The following ATP13A3 variants were observed in gnomAD, a reference collection of about 807,000 sequenced individuals.
ATP13A3 encodes polyamine-transporting ATPase 13A3.
A neutral mutation model predicts 158.1 loss-of-function variants in ATP13A3; 59 were observed. The ratio of observed to expected loss-of-function variants is 0.37; its 90% CI spans 0.30 to 0.46. The LOEUF is 0.46. ATP13A3 is among the 20% of genes least tolerant of loss of function. ATP13A3 has a pLI of 1.00. For synonymous variants in ATP13A3, 491 were observed against 504.3 expected (o/e 0.97, Z 0.35); for missense variants, 1,166 against 1,525.2 (o/e 0.76, Z 3.92).
chr3:194,430,396 A>G (rs1403203179), intron 24 of ATP13A3, 81 bp from the exon 25 acceptor site: 3 of 1,413,282 alleles, frequency 2.1e-6, no homozygotes, highest in African/African-American at 1.4e-5. Flanking sequence ...TTTCTATTAC[A>G]GTATTATAAA....
intron 33 of ATP13A3, among the ~76,000 whole-genome samples, chr3:194,411,052 T>A (rs1715387770): frequency 7.6e-6 from 1 of 131,404 alleles, no homozygotes; most frequent in South Asian, 2.4e-4. Flanking sequence ...CAACTGGTAT[T>A]ACACTGCTTT....
chr3:194,455,373 T>C (rs1469360801), intron 8 of ATP13A3, among the ~76,000 whole-genome samples: 1 of 152,150 alleles, frequency 6.6e-6, no homozygotes, highest in Non-Finnish European at 1.5e-5. Context: ...AGTCTCATTT[T>C]ACCTCAAAAC....
chr3:194,443,386 G>A (rs556866012), intron 15 of ATP13A3, among the ~76,000 whole-genome samples: 11 of 152,244 alleles, frequency 7.2e-5, no homozygotes, highest in African/African-American at 2.6e-4. Flanking sequence ...GAGAAAAAAT[G>A]AGAATGTGAA....
In ATP13A3 at chr3:194,431,880, A is replaced by G; in HGVS notation, c.2258T>C (p.Leu753Ser). ...RTVMVTGDSM[L>S]TAVSVARDCG... ...ATCTCTGGCCACAGAGACAGCAGTCAACATACTGTCACCTAATTTTCAAAA... is the reference window on the plus strand; with the variant it reads ...ATCTCTGGCCACAGAGACAGCAGTCGACATACTGTCACCTAATTTTCAAAA... Residue 753 changes from leucine to serine, a missense_variant, in exon 22 of 34, where the codon TTG becomes TCG. This residue lies in a region of ATP13A3 where 997 missense variants were observed against 1,341.2 expected (regional missense o/e 0.74). Transcript: ENST00000645319. 2 of 1,583,818 alleles carry G rather than the reference A, an allele frequency of 1.3e-6. No homozygotes were observed. Among genetic ancestry groups the G allele is most frequent in the Non-Finnish European group, 1.7e-6 (2 of 1,170,220 alleles).
chr3:194,437,067 G>C (rs1269362583), intron 20 of ATP13A3, 28 bp downstream of exon 20: 27 of 1,606,912 alleles, frequency 1.7e-5, no homozygotes, highest in Non-Finnish European at 2.3e-5. Flanking sequence ...ATGATGACTG[G>C]GAAACTAGGA....
intron 16 of ATP13A3, among the ~76,000 whole-genome samples, chr3:194,440,452 T>C (rs1717968551): frequency 6.6e-6 from 1 of 152,274 alleles, no homozygotes; most frequent in South Asian, 2.1e-4. Flanking sequence ...AACTATTCCT[T>C]TGAAACTTTA....
At chr3:194,431,969 T>G in intron 21 of ATP13A3, 77 bp from the exon 22 acceptor site, 1 of 1,180,112 alleles carries the variant, frequency 8.5e-7, no homozygotes, top group Non-Finnish European at 1.1e-6. Context: ...TTGCTGAGAA[T>G]CTACTACAGT....
intron 16 of ATP13A3, among the ~76,000 whole-genome samples, chr3:194,439,411 G>C (rs1407350247): frequency 1.3e-5 from 2 of 152,214 alleles, no homozygotes. Flanking sequence ...GAACCGCTGG[G>C]TCAAGAACAG....
At chr3:194,470,692 T>C (rs1720261487) in intron 2 of ATP13A3, among the ~76,000 whole-genome samples, 1 of 152,260 alleles carries the variant, frequency 6.6e-6, no homozygotes, top group East Asian at 1.9e-4. Context: ...TTCAAGCTAC[T>C]ATGTTCTTAA....
rs182148172 is a variant in ATP13A3 at position 194,403,167 on chromosome 3, T to C, written c.*2752A>G. 33 of 152,344 alleles carry C rather than the reference T, an allele frequency of 2.2e-4. No individual in the cohort carries two copies. In the East Asian group the frequency reaches 5.8e-3, roughly 27 times the overall value. The allele number at this position is 152,344 out of a possible 1,614,324, so 9.4% of individuals were successfully genotyped here. A position where few individuals can be genotyped will look rare whatever the true frequency, so the allele number is the denominator to read the frequency against. On this transcript the variant is annotated 3_prime_UTR_variant, in exon 34 of 34. Coordinates refer to ENST00000645319, the MANE Select transcript of ATP13A3 (RefSeq NM_001367549.1). ...AGACTACATAAACATTGATATATTA[T>C]TTACCATGCCTTTGAAACTGTGCAG...
chr3:194,406,015 C>T lies in ATP13A3; in HGVS notation c.3675G>A (p.Leu1225=), dbSNP rs776871093. The T allele has an allele frequency of 3.7e-6, 6 of 1,614,156 alleles. No individual in the cohort carries two copies. Among genetic ancestry groups the T allele is most frequent in the Non-Finnish European group, 5.1e-6 (6 of 1,180,038 alleles). Residue 1225 remains leucine (L), a synonymous_variant, in exon 34 of 34, where the codon TTG becomes TTA. Transcript: ENST00000645319. ...GTTTTGGTGGCCATTCTGGATCAAC[C>T]AAGAGCTCCTGCGCCAGATACATGT... is the stretch of plus-strand genomic sequence containing the variant. The part of the protein sequence containing the change: ...AKYMYLAQEL[L]VDPEWPPKPQ...
chr3:194,483,428 A>AAAAAAAAAAAAC, intron 2 of ATP13A3, among the ~76,000 whole-genome samples: 2 of 149,432 alleles, frequency 1.3e-5, no homozygotes, highest in African/African-American at 4.9e-5. Flanking sequence ...CACCTCTACA[A>AAAAAAAAAAAAC]AAAAAAAAAA....
chr3:194,439,959 T>G (rs1383412916), intron 16 of ATP13A3, among the ~76,000 whole-genome samples: 2 of 152,128 alleles, frequency 1.3e-5, no homozygotes, highest in Non-Finnish European at 2.9e-5. Flanking sequence ...AGGCCTCCTT[T>G]TCAGAATTAA....
intron 2 of ATP13A3, chr3:194,468,103 G>A (rs1050080778): frequency 7.9e-5 from 12 of 151,848 alleles, no homozygotes; most frequent in South Asian, 2.1e-4. Flanking sequence ...TTTCTGTTTC[G>A]GTTCTGTCTG....
intron 11 of ATP13A3, among the ~76,000 whole-genome samples, chr3:194,449,044 T>TACACACACACACAC (rs146993933): frequency 7.4e-6 from 1 of 134,892 alleles, no homozygotes; most frequent in Non-Finnish European, 1.6e-5. Flanking sequence ...GATCCACCCC[T>TACACACACACACAC]ACACACACAC....
intron 31 of ATP13A3, among the ~76,000 whole-genome samples, chr3:194,419,504 C>T (rs1716135018): frequency 6.6e-6 from 1 of 151,990 alleles, no homozygotes; most frequent in South Asian, 2.1e-4. Context: ...TTTCATTACT[C>T]AGAAAGTTTT....
intron 11 of ATP13A3, 94 bp downstream of exon 11, chr3:194,450,051 C>A (rs1214549680): frequency 4.5e-6 from 6 of 1,325,690 alleles, no homozygotes; most frequent in Non-Finnish European, 6.3e-6. Context: ...AGTAAAGGTA[C>A]AAATGACATA....
At chr3:194,411,998 TGTTTGCC>T (rs1715472015) in intron 33 of ATP13A3, among the ~76,000 whole-genome samples, 194 bp downstream of exon 33, 1 of 152,190 alleles carries the variant, frequency 6.6e-6, no homozygotes. Flanking sequence ...CTCTAACAAA[TGTTTGCC>T]ATGAATTTTC....
intron 14 of ATP13A3, among the ~76,000 whole-genome samples, chr3:194,445,059 C>CA (rs200262289): frequency 1.9e-3 from 274 of 147,960 alleles, no homozygotes; most frequent in African/African-American, 5.3e-3. Flanking sequence ...CTTATACTAT[C>CA]AAAAAAAAAA....
Sources: gnomAD v4.1 joint callset for allele counts (sites outside exome capture counted in the v4.1 genomes callset) on GRCh38, gnomAD v4.1.1 for gene constraint, gnomAD v4.1.1 regional missense constraint, MANE v1.5 for transcripts, NCBI Gene and HGNC (gene_info 2026-07-23, HGNC 2026-07-21) for gene names.